NOD1: variants seen among roughly 807,000 people sequenced by gnomAD.
The protein encoded by NOD1 is nucleotide-binding oligomerization domain-containing protein 1.
In NOD1, 70 loss-of-function variants were observed where a neutral mutation model predicts 81.2. The observed-to-expected ratio is 0.86, with a 90% CI of 0.71 to 1.05. The LOEUF is 1.05. Ranked by LOEUF, NOD1 falls within the 50% of genes least tolerant of loss-of-function variation. The pLI is 0.00. For synonymous variants in NOD1, 508 were observed against 526.9 expected (o/e 0.96, Z 0.49); for missense variants, 1,233 against 1,228.0 (o/e 1.00, Z -0.06).
intron 13 of NOD1, among the ~76,000 whole-genome samples, chr7:30,426,089 CTACTT>C (rs549251952): frequency 1.2e-3 from 181 of 152,244 alleles, no homozygotes; most frequent in African/African-American, 4.1e-3. Flanking sequence ...TCTGAGCACT[CTACTT>C]CAATTTCCTT....
intron 1 of NOD1, among the ~76,000 whole-genome samples, chr7:30,472,837 T>C (rs1262592041): frequency 6.6e-6 from 1 of 152,246 alleles, no homozygotes; most frequent in South Asian, 2.1e-4. Flanking sequence ...CAGTCTGTGA[T>C]AGTTTTAGCA....
intron 3 of NOD1, among the ~76,000 whole-genome samples, chr7:30,458,372 A>T (rs1562700647): frequency 6.7e-6 from 1 of 148,454 alleles, no homozygotes; most frequent in Non-Finnish European, 1.5e-5. Flanking sequence ...GAGAGAGAGT[A>T]AAAAAAAGGT....
chr7:30,470,708 A>G (rs1351018534), intron 1 of NOD1, among the ~76,000 whole-genome samples: 1 of 152,162 alleles, frequency 6.6e-6, no homozygotes, highest in African/African-American at 2.4e-5. Context: ...ACTGCTTGAC[A>G]TTTTCTTGGT....
At position 30,452,826 on chromosome 7, in the gene NOD1, G is replaced by T; in HGVS notation, c.591C>A (p.Thr197=). ...CCCCAGCATCACCCAGGATGAAGAT[G>T]GTCTCACCCTGCTCATTGAGGATGC... ...TTGILNEQGE[T]IFILGDAGVG... is the part of the protein sequence containing the mutation. Residue 197 remains threonine (T), a synonymous_variant, in exon 6 of 14, where the codon ACC becomes ACA. Transcript: ENST00000222823. 1 of 1,614,138 alleles carries T rather than the reference G, an allele frequency of 6.2e-7. No individual in the cohort carries two copies.
intron 9 of NOD1, among the ~76,000 whole-genome samples, chr7:30,445,271 A>G (rs1276972556): frequency 7.8e-6 from 1 of 127,638 alleles, no homozygotes; most frequent in Non-Finnish European, 1.5e-5. Flanking sequence ...TAAAAAAAAA[A>G]AGAATCTAAA....
Position 30,451,191 on chromosome 7 carries a change from T to C in NOD1, c.2201+25A>G, listed in dbSNP as rs770300807. ...AGCCTGGCCCGCCCGGCCCACCTGT[T>C]GCTCCCCTTGCCTGGCAGCCTCACC... On this transcript the variant is annotated intron_variant, in intron 6 of 13. Transcript: ENST00000222823. This position sits in a 1 kb window ranked among gnomAD's most constrained non-coding sequence, Gnocchi z 4.2. 1 of 1,603,580 alleles carries C rather than the reference T, an allele frequency of 6.2e-7. No homozygotes were observed. The highest frequency in any genetic ancestry group is 8.5e-7 in the Non-Finnish European group (1 of 1,173,500).
intron 13 of NOD1, 81 bp downstream of exon 13, chr7:30,429,293 C>T: frequency 8.2e-7 from 1 of 1,223,020 alleles, no homozygotes; most frequent in Non-Finnish European, 1.2e-6. Flanking sequence ...CAGAAACCAC[C>T]CTGCGTTGTG....
At chr7:30,457,657 A>C (rs1273373020) in intron 3 of NOD1, among the ~76,000 whole-genome samples, 1 of 152,116 alleles carries the variant, frequency 6.6e-6, no homozygotes, top group Non-Finnish European at 1.5e-5. Flanking sequence ...ATTTTACATA[A>C]TAAGGTTAAC....
At chr7:30,425,806 TCA>T (rs1783398925) in intron 13 of NOD1, 96 bp from the exon 14 acceptor site, 1 of 836,796 alleles carries the variant, frequency 1.2e-6, no homozygotes, top group African/African-American at 1.7e-5. Flanking sequence ...CACTCGTGTA[TCA>T]CACAATACAC....
Position 30,451,112 on chromosome 7 carries a change from T to C in NOD1, c.2201+104A>G. Reference sequence around the variant, plus strand: ...AAAGGTCTGGACATTCCAAGGGCCATGGTCATGAGTCCTGGGGGATCCTGG... The same window carrying C: ...AAAGGTCTGGACATTCCAAGGGCCACGGTCATGAGTCCTGGGGGATCCTGG... On this transcript the variant is annotated intron_variant, in intron 6 of 13. Coordinates refer to ENST00000222823, the MANE Select transcript of NOD1 (RefSeq NM_006092.4). This position sits in a 1 kb window ranked among gnomAD's most constrained non-coding sequence, Gnocchi z 4.2. The C allele has an allele frequency of 1.4e-5, 18 of 1,316,040 alleles. No homozygotes were observed. Among genetic ancestry groups the C allele is most frequent in the Non-Finnish European group, 1.7e-5 (17 of 971,858 alleles). 81.5% of individuals were successfully genotyped at this position (1,316,040 alleles called of 1,614,324 possible).
intron 11 of NOD1, among the ~76,000 whole-genome samples, chr7:30,435,194 T>TGCCCTAG (rs1784278661): frequency 1.3e-5 from 2 of 152,210 alleles, no homozygotes; most frequent in Non-Finnish European, 1.5e-5. Context: ...ACTTAGTAAG[T>TGCCCTAG]GCCCTAGAGT....
chr7:30,473,685 G>A (rs1340632922), intron 1 of NOD1, among the ~76,000 whole-genome samples: 2 of 152,130 alleles, frequency 1.3e-5, no homozygotes, highest in East Asian at 1.9e-4. Context: ...GGAAGCAGGG[G>A]CTCTGTTTCC....
At chr7:30,448,005 A>C in intron 7 of NOD1, 1 of 373,156 alleles carries the variant, frequency 2.7e-6, no homozygotes, top group Non-Finnish European at 4.9e-6. Context: ...ACAGGATTCT[A>C]GCATTTATTA....
At chr7:30,477,954 CCT>C (rs1788962343) in intron 1 of NOD1, among the ~76,000 whole-genome samples, 1 of 152,244 alleles carries the variant, frequency 6.6e-6, no homozygotes, top group South Asian at 2.1e-4. Context: ...GAGACATCAA[CCT>C]CTGTCATTTC....
At chr7:30,462,284 A>G (rs986137049) in intron 1 of NOD1, among the ~76,000 whole-genome samples, 5 of 152,186 alleles carry the variant, frequency 3.3e-5, no homozygotes, top group African/African-American at 1.2e-4. Flanking sequence ...ACTCTCCTAT[A>G]CCACTGGTGG....
intron 12 of NOD1, among the ~76,000 whole-genome samples, chr7:30,430,274 T>C (rs6959470): frequency 0.062 from 9,415 of 152,262 alleles, 972 homozygotes; most frequent in African/African-American, 0.21. Flanking sequence ...TGCACCCCAT[T>C]GTTCTGGGTA....
rs2128033062 is a variant in NOD1, at chr7:30,446,128, C to T, written c.2453+13G>A. 3 of 1,606,294 alleles carry T rather than the reference C, an allele frequency of 1.9e-6. No homozygotes were observed. The highest frequency in any genetic ancestry group is 1.3e-5 in the African/African-American group (1 of 74,866). On this transcript the variant is annotated intron_variant, in intron 9 of 13. Transcript: ENST00000222823. The stretch of plus-strand genomic sequence containing the variant: ...GCAGGTTGTACCACATACATCCATC[C>T]CCTTCTACTCACCCAACCTCAGAGA...
chr7:30,457,184 T>A, intron 3 of NOD1, 142 bp from the exon 4 acceptor site: 1 of 484,524 alleles, frequency 2.1e-6, no homozygotes. Flanking sequence ...AGTTGGCTCA[T>A]GACTGTAATC....
chr7:30,445,945 G>C (rs545782233), intron 9 of NOD1, among the ~76,000 whole-genome samples, 196 bp downstream of exon 9: 3 of 152,086 alleles, frequency 2.0e-5, no homozygotes, highest in South Asian at 2.1e-4. Context: ...AAGAGGCAGG[G>C]GGGAGGGGGA....
Sources: gnomAD v4.1 joint callset for allele counts (sites outside exome capture counted in the v4.1 genomes callset) on GRCh38, gnomAD v4.1.1 for gene constraint, Gnocchi (gnomAD v3.1) non-coding constraint, MANE v1.5 for transcripts, NCBI Gene and HGNC (gene_info 2026-07-23, HGNC 2026-07-21) for gene names.